The following GABRB1 variants were observed in gnomAD, a reference collection of about 807,000 sequenced individuals.
GABRB1 encodes gamma-aminobutyric acid receptor subunit beta-1.
A neutral mutation model predicts 51.6 loss-of-function variants in GABRB1; 17 were observed. The ratio of observed to expected loss-of-function variants is 0.33; its 90% confidence interval spans 0.23 to 0.49. The LOEUF is 0.49. GABRB1 is among the 20% of genes least tolerant of loss of function. The pLI is 0.99. For synonymous variants in GABRB1, 247 were observed against 218.9 expected, an observed-to-expected ratio of 1.13 and a Z score of -1.14; for missense variants, 410 against 600.6, an observed-to-expected ratio of 0.68 and a Z score of 3.32.
intron 5 of GABRB1, among the ~76,000 whole-genome samples, chr4:47,374,582 T>C (rs1727314632): frequency 6.6e-6 from 1 of 152,166 alleles, no homozygotes; most frequent in South Asian, 2.1e-4. Context: ...GATTTCACCA[T>C]ATGTCAAGAC....
At chr4:47,094,346 C>G (rs1436203484) in intron 3 of GABRB1, among the ~76,000 whole-genome samples, 1 of 151,240 alleles carries the variant, frequency 6.6e-6, no homozygotes, top group African/African-American at 2.4e-5. Context: ...CTGCCTCAGC[C>G]TCCCAAGTAG....
chr4:47,186,329 T>C (rs1719182489), intron 4 of GABRB1, among the ~76,000 whole-genome samples: 2 of 151,836 alleles, frequency 1.3e-5, no homozygotes, highest in Admixed American at 6.6e-5. Flanking sequence ...AACACTATCA[T>C]GCATATTAAG....
At chr4:47,221,861 T>G (rs1337787893) in intron 4 of GABRB1, among the ~76,000 whole-genome samples, 1 of 152,072 alleles carries the variant, frequency 6.6e-6, no homozygotes, top group African/African-American at 2.4e-5. Context: ...TATCTATTGT[T>G]GATTCATTAA....
chr4:47,008,390 G>T (rs972302990), intron 1 of GABRB1, among the ~76,000 whole-genome samples: 1 of 151,914 alleles, frequency 6.6e-6, no homozygotes, highest in African/African-American at 2.4e-5. Flanking sequence ...GAAAGTTTGT[G>T]TTAGAATATA....
intron 3 of GABRB1, among the ~76,000 whole-genome samples, chr4:47,069,445 G>T (rs759481565): frequency 6.6e-6 from 1 of 152,014 alleles, no homozygotes; most frequent in Non-Finnish European, 1.5e-5. Context: ...TATTTATGTT[G>T]AAAAATGACT....
At chr4:47,411,009 A>G (rs184941931) in intron 8 of GABRB1, among the ~76,000 whole-genome samples, 83 of 152,310 alleles carry the variant, frequency 5.4e-4, no homozygotes, top group African/African-American at 1.9e-3. Context: ...TCTTTGGGGA[A>G]GATAGCAGAA....
intron 1 of GABRB1, among the ~76,000 whole-genome samples, chr4:47,016,718 A>G (rs1444144463): frequency 6.6e-6 from 1 of 152,060 alleles, no homozygotes; most frequent in African/African-American, 2.4e-5. Flanking sequence ...CCTCCTGAGC[A>G]TCTGGGATTA....
chr4:47,182,562 A>T (rs1051319307), intron 4 of GABRB1, among the ~76,000 whole-genome samples: 1 of 151,860 alleles, frequency 6.6e-6, no homozygotes, highest in Admixed American at 6.6e-5. Context: ...TTTATTGTGG[A>T]ATTTTGTTAT....
At chr4:47,395,490 T>C (rs953726267) in intron 5 of GABRB1, among the ~76,000 whole-genome samples, 2 of 152,262 alleles carry the variant, frequency 1.3e-5, no homozygotes, top group East Asian at 3.9e-4. Context: ...ACGTGGTGAT[T>C]ACAATTCGAG....
intron 4 of GABRB1, among the ~76,000 whole-genome samples, chr4:47,213,150 A>G (rs1434487432): frequency 6.6e-6 from 1 of 152,126 alleles, no homozygotes; most frequent in African/African-American, 2.4e-5. Context: ...CTTTCTTCAA[A>G]TCTTACATTT....
intron 4 of GABRB1, among the ~76,000 whole-genome samples, chr4:47,196,005 C>T (rs1256783819): frequency 2.0e-5 from 3 of 152,142 alleles, no homozygotes; most frequent in African/African-American, 7.2e-5. Flanking sequence ...TGTGGTAGCT[C>T]AAACCATATG....
intron 4 of GABRB1, among the ~76,000 whole-genome samples, chr4:47,186,153 T>C (rs948508477): frequency 6.7e-6 from 1 of 149,102 alleles, no homozygotes; most frequent in African/African-American, 2.5e-5. Flanking sequence ...TTTTAACAAA[T>C]AGAATTTCGA....
chr4:47,043,277 G>A lies in GABRB1; in HGVS notation c.240+10793G>A, dbSNP rs1021684186. The A allele has an allele frequency of 6.6e-5, 10 of 152,032 alleles. 1 individual carries two copies. The highest frequency in any genetic ancestry group is 5.9e-4 in the Admixed American group (9 of 15,240). The allele number at this position is 152,032 out of a possible 1,614,324, so 9.4% of individuals were successfully genotyped here. ...GAAGACTGGATAAAAAATTTGGAGA[G>A]TAGGATATATTCACAAAACTGGAAA... is the stretch of plus-strand genomic sequence containing the variant. On this transcript the variant is annotated intron_variant, in intron 3 of 8. Coordinates refer to ENST00000295454, the MANE Select transcript of GABRB1 (RefSeq NM_000812.4).
At chr4:47,230,910 A>G in intron 4 of GABRB1, among the ~76,000 whole-genome samples, 1 of 152,134 alleles carries the variant, frequency 6.6e-6, no homozygotes, top group East Asian at 1.9e-4. Context: ...AAGGTAGTCA[A>G]ATGACTGCCT....
intron 3 of GABRB1, among the ~76,000 whole-genome samples, chr4:47,088,449 G>A (rs1728165804): frequency 6.6e-6 from 1 of 152,190 alleles, no homozygotes. Flanking sequence ...TAAAGACTGT[G>A]GGTGCTAGGC....
At chr4:47,415,665 A>G (rs1472260606) in intron 8 of GABRB1, among the ~76,000 whole-genome samples, 1 of 152,190 alleles carries the variant, frequency 6.6e-6, no homozygotes, top group Non-Finnish European at 1.5e-5. Flanking sequence ...TTATCATCAG[A>G]GGAAGGTAGA....
chr4:47,280,374 AAT>A (rs1491494240), intron 4 of GABRB1, among the ~76,000 whole-genome samples: 2 of 151,758 alleles, frequency 1.3e-5, no homozygotes, highest in Admixed American at 6.6e-5. Context: ...AGTTATTTGT[AAT>A]ATTTTTGTCT....
At chr4:47,405,041 T>C (rs1175696640) in intron 7 of GABRB1, among the ~76,000 whole-genome samples, 1 of 152,222 alleles carries the variant, frequency 6.6e-6, no homozygotes, top group Non-Finnish European at 1.5e-5. Context: ...ACACTTTTGC[T>C]TAAAAATGTA....
At chr4:47,001,739 C>T (rs1308970206) in intron 1 of GABRB1, among the ~76,000 whole-genome samples, 1 of 152,194 alleles carries the variant, frequency 6.6e-6, no homozygotes, top group East Asian at 1.9e-4. Flanking sequence ...AAAATTTCTA[C>T]AGATAGAATA....
Sources: allele counts gnomAD v4.1 joint callset (sites outside exome capture counted in the v4.1 genomes callset), GRCh38; gene constraint gnomAD v4.1.1; transcripts MANE v1.5; gene names NCBI Gene and HGNC (gene_info 2026-07-23, HGNC 2026-07-21).